DENND2B: variants seen among roughly 807,000 people sequenced by gnomAD.
DENND2B encodes DENN domain containing 2B.
In DENND2B, 32 loss-of-function variants were observed where a neutral mutation model predicts 116.0. That is an observed-to-expected ratio of 0.28 (90% CI 0.21 to 0.37). The LOEUF is 0.37. Ranked by LOEUF, DENND2B falls within the 10% of genes least tolerant of loss-of-function variation. DENND2B has a pLI of 1.00. For missense variants in DENND2B, 1,276 were observed against 1,477.7 expected, an observed-to-expected ratio of 0.86 and a Z score of 2.24; for synonymous variants, 588 against 583.9, an observed-to-expected ratio of 1.01 and a Z score of -0.10.
At chr11:8,793,622 A>G (rs2059570943) in intron 1 of DENND2B, among the ~76,000 whole-genome samples, 1 of 152,214 alleles carries the variant, frequency 6.6e-6, no homozygotes, top group African/African-American at 2.4e-5. Context: ...CAGTCAGTGA[A>G]CATTTGGGTT....
intron 1 of DENND2B, among the ~76,000 whole-genome samples, chr11:8,806,639 C>CACACACACACACACACACACACA (rs1565991413): frequency 5.1e-4 from 76 of 147,702 alleles, no homozygotes; most frequent in South Asian, 1.1e-3. Flanking sequence ...CACACACACA[C>CACACACACACACACACACACACA]CCAGGAGAGC....
intron 1 of DENND2B, among the ~76,000 whole-genome samples, chr11:8,904,528 T>C (rs905659385): frequency 6.6e-6 from 1 of 152,186 alleles, no homozygotes; most frequent in Non-Finnish European, 1.5e-5. Flanking sequence ...GGCAAAGATG[T>C]TCCCCTTGCC....
At chr11:8,794,258 C>A (rs1006586683) in intron 1 of DENND2B, among the ~76,000 whole-genome samples, 1 of 152,200 alleles carries the variant, frequency 6.6e-6, no homozygotes, top group Non-Finnish European at 1.5e-5. Flanking sequence ...GGTGAGAAGA[C>A]CTGAGTCCCA....
chr11:8,851,252 A>AAT lies in DENND2B; in HGVS notation c.-156+6089_-156+6090dup, dbSNP rs140301863. On this transcript the variant is annotated intron_variant, in intron 3 of 6. Transcript: ENST00000524757. The stretch of plus-strand genomic sequence containing the variant: ...TAATGAGCATGACTTAGTCATTCTA[A>AAT]ATATATATATATATAAATCAAAACA... Among the ~76,000 whole-genome samples, 527 of 151,096 alleles carry AAT rather than the reference A, an allele frequency of 3.5e-3. 6 individuals are homozygous for AAT. The highest frequency in any genetic ancestry group is 0.011 in the African/African-American group (471 of 41,302).
intron 3 of DENND2B, among the ~76,000 whole-genome samples, chr11:8,846,978 C>T (rs2062838108): frequency 6.6e-6 from 1 of 152,234 alleles, no homozygotes. Context: ...AATGGACACA[C>T]ACTGTCTCCT....
chr11:8,807,252 T>C (rs1219146622), intron 1 of DENND2B, among the ~76,000 whole-genome samples: 1 of 152,224 alleles, frequency 6.6e-6, no homozygotes, highest in Non-Finnish European at 1.5e-5. Flanking sequence ...AAGGAAGATG[T>C]ATTCTTCAAT....
intron 1 of DENND2B, among the ~76,000 whole-genome samples, chr11:8,903,008 C>T (rs1045089808): frequency 9.9e-5 from 15 of 152,144 alleles, no homozygotes; most frequent in Admixed American, 2.6e-4. Flanking sequence ...TACAGGCATG[C>T]GCCACCACAC....
intron 3 of DENND2B, among the ~76,000 whole-genome samples, chr11:8,854,451 G>A (rs932396129): frequency 2.0e-5 from 3 of 151,344 alleles, no homozygotes; most frequent in Non-Finnish European, 2.9e-5. Flanking sequence ...ATCCACCTGC[G>A]TCGGCCTCCC....
intron 1 of DENND2B, among the ~76,000 whole-genome samples, chr11:8,885,566 G>T (rs151271006): frequency 1.3e-5 from 2 of 152,246 alleles, no homozygotes; most frequent in African/African-American, 4.8e-5. Flanking sequence ...CTCTGGGAGT[G>T]CAATAAAGCT....
intron 1 of DENND2B, among the ~76,000 whole-genome samples, chr11:8,908,036 T>TA (rs2064261645): frequency 6.6e-6 from 1 of 152,138 alleles, no homozygotes; most frequent in Non-Finnish European, 1.5e-5. Flanking sequence ...CTATTTAACT[T>TA]AAAAATTAAA....
upstream of DENND2B, among the ~76,000 whole-genome samples, chr11:8,813,836 A>T (rs1390764219): frequency 6.6e-6 from 1 of 152,102 alleles, no homozygotes. Flanking sequence ...GAAGGGCCCC[A>T]TTACTGAGAG....
At chr11:8,907,137 C>A (rs1027678189) in intron 1 of DENND2B, among the ~76,000 whole-genome samples, 5 of 152,192 alleles carry the variant, frequency 3.3e-5, no homozygotes, top group African/African-American at 1.2e-4. Context: ...AAACATAGAA[C>A]CCTGACAACT....
chr11:8,695,930 G>A (rs997833183), intron 18 of DENND2B: 6 of 261,638 alleles, frequency 2.3e-5, no homozygotes, highest in African/African-American at 6.9e-5. Flanking sequence ...TACTAACCCT[G>A]AGGTTAGACA....
Position 8,718,851 on chromosome 11 carries a change from C to G in DENND2B, c.1478-959G>C, listed in dbSNP as rs1353783729. The G allele has an allele frequency of 1.4e-5, 14 of 996,322 alleles. No individual in the cohort carries two copies. The Admixed American group carries it at 6.9e-4, about 49-fold the overall frequency. The allele number at this position is 996,322 out of a possible 1,614,324, so 61.7% of individuals were successfully genotyped here. On this transcript the variant is annotated intron_variant, in intron 4 of 19. Coordinates refer to ENST00000313726, the MANE Select transcript of DENND2B (RefSeq NM_213618.2). ...CAAGCTGTATCTCCTGCCCCCACCC[C>G]TCCAACACACACATTTTCTAAAATA...
chr11:8,729,995 C>T lies in DENND2B; in HGVS notation c.1295G>A (p.Arg432Gln), dbSNP rs1440395886. The change falls in exon 3 of 20, where the codon CGG becomes CAG. Residue 432 changes from arginine (R) to glutamine (Q), a missense_variant. By Grantham distance (43) the Arg-to-Gln change is conservative (BLOSUM62 1). Transcript: ENST00000313726. ...ACCACGCATGTCCTTCTTGGGTCTC[C>T]GGGTGACTGGCGGGGCTGGGGTGGA... ...LPSTPAPPVT[R>Q]RPKKDMRGHR... The T allele has an allele frequency of 4.3e-6, 7 of 1,613,908 alleles. No individual in the cohort carries two copies. Among genetic ancestry groups the T allele is most frequent in the African/African-American group, 1.3e-5 (1 of 74,870 alleles).
Position 8,712,873 on chromosome 11 carries a change from G to T in DENND2B, c.1988-138C>A. ...TCTGATACCATCCCCAGCTCACAGT[G>T]CAGGAGGACCGGCAGGCACAAGGTG... On this transcript the variant is annotated intron_variant, in intron 8 of 19. Coordinates refer to ENST00000313726, the MANE Select transcript of DENND2B (RefSeq NM_213618.2). The surrounding 1 kb of genome is among the most constrained non-coding windows in gnomAD (Gnocchi z 4.4). The T allele has an allele frequency of 1.1e-6, 1 of 912,990 alleles. No homozygotes were observed. The highest frequency in any genetic ancestry group is 1.6e-6 in the Non-Finnish European group (1 of 625,916). The allele number at this position is 912,990 out of a possible 1,614,324, so 56.6% of individuals were successfully genotyped here.
chr11:8,861,648 G>T (rs945380814), intron 2 of DENND2B, among the ~76,000 whole-genome samples: 1 of 152,148 alleles, frequency 6.6e-6, no homozygotes, highest in Admixed American at 6.5e-5. Context: ...ACTAAAAATA[G>T]ATCTACCATT....
At chr11:8,724,410 G>C (rs1051264471) in intron 4 of DENND2B, among the ~76,000 whole-genome samples, 1 of 152,156 alleles carries the variant, frequency 6.6e-6, no homozygotes, top group Non-Finnish European at 1.5e-5. Flanking sequence ...CAAGGCCCAA[G>C]ACAGAGGCAA....
At chr11:8,890,029 T>A (rs577472807) in intron 1 of DENND2B, among the ~76,000 whole-genome samples, 4 of 152,240 alleles carry the variant, frequency 2.6e-5, no homozygotes, top group African/African-American at 9.6e-5. Flanking sequence ...GGCTGGGTAC[T>A]CCTCTGAGAC....
Sources: allele counts gnomAD v4.1 joint callset (sites outside exome capture counted in the v4.1 genomes callset), GRCh38; gene constraint gnomAD v4.1.1; non-coding constraint Gnocchi (gnomAD v3.1); transcripts MANE v1.5; gene names NCBI Gene and HGNC (gene_info 2026-07-23, HGNC 2026-07-21).